SHROOM2: variants seen among roughly 807,000 people sequenced by gnomAD.
SHROOM2 encodes protein Shroom2.
Under a neutral mutation model 75.9 loss-of-function variants are expected in SHROOM2, and 33 were observed. The observed-to-expected ratio is 0.43, with a 90% CI of 0.33 to 0.58. The LOEUF is 0.58. Among genes scored for constraint, SHROOM2 ranks in the 20% least tolerant of loss-of-function variants. The probability of loss-of-function intolerance (pLI) is 0.04; values close to 1 mark genes in which losing one functional copy is unlikely to be tolerated. For missense variants in SHROOM2, 1,434 were observed against 1,461.2 expected, an observed-to-expected ratio of 0.98 and a Z score of 0.30; for synonymous variants, 655 against 663.6, an observed-to-expected ratio of 0.99 and a Z score of 0.20.
intron 5 of SHROOM2, among the ~76,000 whole-genome samples, chrX:9,921,576 G>A (rs1602002114): frequency 9.0e-6 from 1 of 111,264 alleles, no homozygotes; most frequent in East Asian, 2.8e-4. Flanking sequence ...AATTCATCTT[G>A]CGTAATTGAA....
intron 1 of SHROOM2, among the ~76,000 whole-genome samples, chrX:9,852,105 T>C (rs1160010284): frequency 1.8e-5 from 2 of 111,999 alleles, no homozygotes; most frequent in Non-Finnish European, 3.8e-5. Context: ...TGGATCAAGA[T>C]GTGTTGGAAT....
chrX:9,925,951 G>T, intron 5 of SHROOM2, among the ~76,000 whole-genome samples: 1 of 111,295 alleles, frequency 9.0e-6, no homozygotes, highest in Non-Finnish European at 1.9e-5. Flanking sequence ...TCATTGGCTG[G>T]GTGTGTTGCA....
intron 1 of SHROOM2, among the ~76,000 whole-genome samples, chrX:9,842,528 A>G (rs2083984502): frequency 8.9e-6 from 1 of 112,559 alleles, no homozygotes; most frequent in Non-Finnish European, 1.9e-5. Flanking sequence ...CTGGTAAATC[A>G]TAAGCATGGT....
At chrX:9,835,821 T>C (rs1216360792) in intron 1 of SHROOM2, among the ~76,000 whole-genome samples, 1 of 109,894 alleles carries the variant, frequency 9.1e-6, no homozygotes, top group East Asian at 2.9e-4. Context: ...CACTGCAGCC[T>C]CCAACTCCTG....
At chrX:9,879,774 G>T (rs1423692504) in intron 2 of SHROOM2, among the ~76,000 whole-genome samples, 1 of 99,821 alleles carries the variant, frequency 1.0e-5, no homozygotes, top group African/African-American at 3.9e-5. Flanking sequence ...GTTGTTTTGG[G>T]GTCTCTGGAG....
chrX:9,941,786 A>G (rs757059429), intron 8 of SHROOM2, among the ~76,000 whole-genome samples: 13 of 108,945 alleles, frequency 1.2e-4, no homozygotes, highest in South Asian at 1.2e-3. Flanking sequence ...CCTGGCTAAC[A>G]TGGTGAAACC....
At chrX:9,866,845 C>G (rs1211303004) in intron 1 of SHROOM2, among the ~76,000 whole-genome samples, 1 of 110,976 alleles carries the variant, frequency 9.0e-6, no homozygotes, top group African/African-American at 3.3e-5. Context: ...TCAGACACTC[C>G]CCTGCACACA....
chrX:9,826,925 C>T (rs1270547519), intron 1 of SHROOM2, among the ~76,000 whole-genome samples: 1 of 112,462 alleles, frequency 8.9e-6, no homozygotes, highest in Non-Finnish European at 1.9e-5. Context: ...AGTCTTTGGG[C>T]CTCTGGTCAG....
intron 1 of SHROOM2, chrX:9,818,151 A>T (rs937420202): frequency 7.3e-6 from 1 of 136,870 alleles, no homozygotes; most frequent in Admixed American, 8.3e-5. Context: ...AAGCCATTTT[A>T]GCTTTTGCGC....
At chrX:9,795,121 T>TTTA (rs1371283182) in intron 1 of SHROOM2, among the ~76,000 whole-genome samples, 4 of 46,614 alleles carry the variant, frequency 8.6e-5, no homozygotes, top group African/African-American at 1.4e-4. Flanking sequence ...TTCTTTCTTT[T>TTTA]TTTTTTGAAG....
At chrX:9,933,474 C>T (rs999069026) in intron 6 of SHROOM2, among the ~76,000 whole-genome samples, 25 of 112,011 alleles carry the variant, frequency 2.2e-4, no homozygotes, top group Middle Eastern at 4.6e-3. Flanking sequence ...GGAACTTGAC[C>T]TTTCAAGAGC....
At chrX:9,941,322 G>T (rs948190956) in intron 8 of SHROOM2, among the ~76,000 whole-genome samples, 18 of 111,570 alleles carry the variant, frequency 1.6e-4, no homozygotes, top group African/African-American at 5.5e-4. Context: ...GGAAAGCCAC[G>T]CACTGCAAGA....
At chrX:9,868,726 C>G (rs1481904443) in intron 1 of SHROOM2, among the ~76,000 whole-genome samples, 2 of 52,218 alleles carry the variant, frequency 3.8e-5, no homozygotes, top group Admixed American at 3.1e-4. Flanking sequence ...AATTTTTTAC[C>G]CTTTTTTTTT....
intron 2 of SHROOM2, 119 bp downstream of exon 2, chrX:9,873,922 T>TA (rs1601959040): frequency 4.0e-6 from 3 of 744,107 alleles, no homozygotes; most frequent in Middle Eastern, 4.5e-4. Flanking sequence ...GACATGCACT[T>TA]AGAGTTATAT....
intron 1 of SHROOM2, among the ~76,000 whole-genome samples, chrX:9,837,292 G>A (rs2083951998): frequency 8.9e-6 from 1 of 112,675 alleles, no homozygotes; most frequent in East Asian, 2.8e-4. Flanking sequence ...GGGATTGTTA[G>A]CATAGGATTG....
Position 9,873,674 on chromosome X carries a change from C to T in SHROOM2, c.188C>T (p.Ala63Val), listed in dbSNP as rs201114383. The T allele has an allele frequency of 1.3e-5, 16 of 1,210,001 alleles. No individual in the cohort carries two copies. The highest frequency in any genetic ancestry group is 2.2e-5 in the Admixed American group (1 of 45,756). The change falls in exon 2 of 10, where the codon GCG (alanine) becomes GTG (valine). Residue 63 changes from alanine (A) to valine (V), a missense_variant. Physicochemically the swap from Ala to Val is moderately conservative, Grantham distance 64 (BLOSUM62 0). This residue lies in a region of SHROOM2 where 1,340 missense variants were observed against 1,338.3 expected (regional missense o/e 1.00). Transcript: ENST00000380913. ...CAGATTGAAGAGGGCAGTAAAGCCG[C>T]GGCGGTCGACAAGTTACTGGCTGGA... is the stretch of plus-strand genomic sequence containing the variant. ...ITKIEEGSKA[A>V]AVDKLLAGDE...
chrX:9,915,753 G>C (rs906498702), intron 5 of SHROOM2, among the ~76,000 whole-genome samples: 1 of 112,169 alleles, frequency 8.9e-6, no homozygotes, highest in African/African-American at 3.2e-5. Context: ...TAAAGTTAAT[G>C]TCATGTACAA....
At chrX:9,825,063 T>A (rs1482436326) in intron 1 of SHROOM2, among the ~76,000 whole-genome samples, 1 of 111,580 alleles carries the variant, frequency 9.0e-6, no homozygotes, top group Non-Finnish European at 1.9e-5. Flanking sequence ...CCAGGAAATA[T>A]TTCTCCTGGA....
At chrX:9,799,329 C>T (rs770828534) in intron 1 of SHROOM2, among the ~76,000 whole-genome samples, 70 of 108,855 alleles carry the variant, frequency 6.4e-4, no homozygotes, top group African/African-American at 2.2e-3. Flanking sequence ...CCGCGCCCGG[C>T]TAATTTTTGT....
Sources: allele counts gnomAD v4.1 joint callset (sites outside exome capture counted in the v4.1 genomes callset), GRCh38; gene constraint gnomAD v4.1.1; regional missense constraint gnomAD v4.1.1; transcripts MANE v1.5; gene names NCBI Gene and HGNC (gene_info 2026-07-23, HGNC 2026-07-21).